CDH4: variants seen among roughly 807,000 people sequenced by gnomAD.
CDH4 encodes the protein cadherin-4.
Under a neutral mutation model 86.0 loss-of-function variants are expected in CDH4, and 33 were observed. The ratio of observed to expected loss-of-function variants is 0.38; its 90% CI spans 0.29 to 0.51. CDH4 has a LOEUF of 0.51. Ranked by LOEUF, CDH4 falls within the 20% of genes least tolerant of loss-of-function variation. The pLI is 0.86. For synonymous variants in CDH4, 555 were observed against 549.4 expected (o/e 1.01, Z -0.14); for missense variants, 1,114 against 1,307.4 (o/e 0.85, Z 2.28).
intron 2 of CDH4, chr20:61,719,747 A>G (rs138689654): frequency 6.6e-6 from 1 of 152,326 alleles, no homozygotes; most frequent in Non-Finnish European, 1.5e-5. Flanking sequence ...ATACGACAAG[A>G]TGGGGCCCTG....
intron 2 of CDH4, among the ~76,000 whole-genome samples, chr20:61,648,698 G>A (rs906839822): frequency 2.6e-5 from 4 of 152,108 alleles, no homozygotes; most frequent in African/African-American, 4.8e-5. Context: ...TTTTTGAGGC[G>A]CGCTCCCAGG....
chr20:61,423,290 G>A (rs1449548146), intron 2 of CDH4, among the ~76,000 whole-genome samples: 1 of 152,224 alleles, frequency 6.6e-6, no homozygotes, highest in Non-Finnish European at 1.5e-5. Context: ...AGGGCAGGCA[G>A]GTGTCCTGAG....
intron 2 of CDH4, among the ~76,000 whole-genome samples, chr20:61,298,033 G>A (rs1027027645): frequency 1.3e-5 from 2 of 152,232 alleles, no homozygotes; most frequent in African/African-American, 2.4e-5. Context: ...GCAGGCACCC[G>A]AGGAAGGCTT....
intron 2 of CDH4, among the ~76,000 whole-genome samples, chr20:61,660,896 C>T (rs74842180): frequency 0.22 from 33,235 of 151,964 alleles, 4,467 homozygotes; most frequent in Non-Finnish European, 0.3. Flanking sequence ...GCAGCCTTAC[C>T]GGGACTCATG....
At chr20:61,915,132 A>C (rs1205178218) in intron 9 of CDH4, among the ~76,000 whole-genome samples, 1 of 152,232 alleles carries the variant, frequency 6.6e-6, no homozygotes, top group Non-Finnish European at 1.5e-5. Context: ...CTGGGAGCCC[A>C]CACACAGGAT....
intron 4 of CDH4, among the ~76,000 whole-genome samples, chr20:61,797,101 C>T (rs1979573708): frequency 6.6e-6 from 1 of 151,394 alleles, no homozygotes; most frequent in South Asian, 2.1e-4. Context: ...CCCCCCAACA[C>T]TGGCCAGCTC....
At chr20:61,426,953 G>T (rs2085218587) in intron 2 of CDH4, among the ~76,000 whole-genome samples, 1 of 152,150 alleles carries the variant, frequency 6.6e-6, no homozygotes, top group Non-Finnish European at 1.5e-5. Flanking sequence ...TTTGTGATTG[G>T]GTACTGTGTT....
At chr20:61,575,213 A>G (rs6121699) in intron 2 of CDH4, among the ~76,000 whole-genome samples, 16,416 of 152,090 alleles carry the variant, frequency 0.11, 1,979 homozygotes, top group African/African-American at 0.3. Flanking sequence ...TATTTCCACT[A>G]CCTCTAGGTT....
At chr20:61,702,835 T>C (rs1184116256) in intron 2 of CDH4, among the ~76,000 whole-genome samples, 2 of 152,234 alleles carry the variant, frequency 1.3e-5, no homozygotes, top group African/African-American at 4.8e-5. Flanking sequence ...CTGTTCCATT[T>C]GATTGAAATT....
chr20:61,533,681 G>T (rs1388116421), intron 2 of CDH4, among the ~76,000 whole-genome samples: 3 of 152,230 alleles, frequency 2.0e-5, no homozygotes, highest in Non-Finnish European at 4.4e-5. Flanking sequence ...CTTCATGGTT[G>T]CACAGGTGCC....
At chr20:61,868,541 C>T (rs1238054453) in intron 6 of CDH4, among the ~76,000 whole-genome samples, 1 of 152,218 alleles carries the variant, frequency 6.6e-6, no homozygotes, top group Non-Finnish European at 1.5e-5. Context: ...CACAACAGGC[C>T]ATAAACCCTG....
At chr20:61,841,382 G>A (rs1209209638) in intron 4 of CDH4, among the ~76,000 whole-genome samples, 1 of 152,220 alleles carries the variant, frequency 6.6e-6, no homozygotes, top group Admixed American at 6.5e-5. Flanking sequence ...GAGGTGACAG[G>A]GAGAGGGGCT....
At chr20:61,870,400 C>T (rs1435865492) in intron 6 of CDH4, among the ~76,000 whole-genome samples, 1 of 152,220 alleles carries the variant, frequency 6.6e-6, no homozygotes, top group Admixed American at 6.5e-5. Context: ...CATCCCCATC[C>T]AGCCCGAGAG....
At chr20:61,727,884 A>G (rs2088134559) in intron 2 of CDH4, among the ~76,000 whole-genome samples, 1 of 151,984 alleles carries the variant, frequency 6.6e-6, no homozygotes, top group African/African-American at 2.4e-5. Context: ...TCCAATTTCC[A>G]CAAGACTTAG....
rs78053546 is a variant in CDH4, at chr20:61,493,510, G to A, written c.169+238573G>A. Among the ~76,000 whole-genome samples the A allele has an allele frequency of 5.3e-4, 81 of 152,318 alleles. No homozygotes were observed. In the East Asian group the frequency reaches 0.013, roughly 24 times the overall value. On this transcript the variant is annotated intron_variant, in intron 2 of 15. Transcript: ENST00000614565. ...GCGCTGCCTTAGGCAATGCCTCTAC[G>A]GCTACAACCCGTGTGCCATTCCGGC... is the stretch of plus-strand genomic sequence containing the variant.
chr20:61,552,190 G>C (rs1373957432), intron 2 of CDH4, among the ~76,000 whole-genome samples: 1 of 152,098 alleles, frequency 6.6e-6, no homozygotes, highest in Non-Finnish European at 1.5e-5. Context: ...AAGTGAAAAG[G>C]CCATAGCATG....
At chr20:61,928,779 TAA>T (rs1198666037) in intron 12 of CDH4, among the ~76,000 whole-genome samples, 2 of 152,226 alleles carry the variant, frequency 1.3e-5, no homozygotes, top group African/African-American at 4.8e-5. Context: ...ATCTGTGGTA[TAA>T]AAGGATATCA....
At chr20:61,736,145 T>C (rs1110359) in intron 2 of CDH4, among the ~76,000 whole-genome samples, 45,005 of 152,034 alleles carry the variant, frequency 0.3, 6,848 homozygotes, top group East Asian at 0.45. Flanking sequence ...CAACATCTCC[T>C]GGGCCAGTCC....
chr20:61,383,568 TG>T (rs1568823015), intron 2 of CDH4, among the ~76,000 whole-genome samples: 1 of 8,256 alleles, frequency 1.2e-4, no homozygotes, highest in East Asian at 1.3e-3. Context: ...ATATGATATA[TG>T]ATATATATGA....
Sources: allele counts gnomAD v4.1 joint callset (sites outside exome capture counted in the v4.1 genomes callset), GRCh38; gene constraint gnomAD v4.1.1; transcripts MANE v1.5; gene names NCBI Gene and HGNC (gene_info 2026-07-23, HGNC 2026-07-21).